Variants in SMIM13 observed in about 807,000 individuals in gnomAD.
SMIM13 encodes small integral membrane protein 13.
SMIM13 carries 3 observed loss-of-function variants against 5.9 expected under a neutral mutation model. The ratio of observed to expected loss-of-function variants is 0.51; its 90% CI spans 0.23 to 1.31. The LOEUF (loss-of-function observed/expected upper bound fraction) is 1.31. Ranked by LOEUF, SMIM13 falls within the 40% of genes most tolerant of loss-of-function variation. SMIM13 has a pLI of 0.18. For missense variants in SMIM13, 85 were observed against 109.9 expected (o/e 0.77, Z 1.01); for synonymous variants, 55 against 46.0 (o/e 1.19, Z -0.79).
At chr6:11,108,187 G>A (rs966373813) in intron 1 of SMIM13, among the ~76,000 whole-genome samples, 5 of 152,208 alleles carry the variant, frequency 3.3e-5, no homozygotes, top group African/African-American at 1.2e-4. Flanking sequence ...ACAGCACAGA[G>A]GAGGAGTAAA....
chr6:11,113,269 T>A (rs1465348469), intron 1 of SMIM13, among the ~76,000 whole-genome samples: 2 of 152,242 alleles, frequency 1.3e-5, no homozygotes, highest in Non-Finnish European at 2.9e-5. Flanking sequence ...GAGAATTTGT[T>A]ACTCCGCATC....
At chr6:11,098,471 T>C (rs1233321801) in intron 1 of SMIM13, among the ~76,000 whole-genome samples, 3 of 152,242 alleles carry the variant, frequency 2.0e-5, no homozygotes, top group Non-Finnish European at 4.4e-5. Context: ...TTGCTCTTGT[T>C]GCCCAGGCTG....
intron 1 of SMIM13, among the ~76,000 whole-genome samples, chr6:11,131,160 A>G (rs1473593682): frequency 6.6e-6 from 1 of 152,158 alleles, no homozygotes; most frequent in Non-Finnish European, 1.5e-5. Context: ...TGTTGAAGTC[A>G]ATTGACCATG....
chr6:11,113,126 T>A (rs942889922), intron 1 of SMIM13, among the ~76,000 whole-genome samples: 1 of 152,162 alleles, frequency 6.6e-6, no homozygotes, highest in Admixed American at 6.5e-5. Context: ...CCTGTAGTAG[T>A]AGTATTAGTA....
chr6:11,102,030 G>A (rs540700440), intron 1 of SMIM13, among the ~76,000 whole-genome samples: 5 of 152,244 alleles, frequency 3.3e-5, no homozygotes, highest in South Asian at 2.1e-4. Flanking sequence ...GAGCCACCAC[G>A]CCTGGCCTCA....
intron 1 of SMIM13, among the ~76,000 whole-genome samples, chr6:11,096,607 C>G (rs1757926834): frequency 6.6e-6 from 1 of 152,016 alleles, no homozygotes; most frequent in Admixed American, 6.5e-5. Context: ...AATTGGAGTG[C>G]GATATTAGTT....
At chr6:11,097,028 C>T (rs1048191781) in intron 1 of SMIM13, among the ~76,000 whole-genome samples, 2 of 151,890 alleles carry the variant, frequency 1.3e-5, no homozygotes, top group Non-Finnish European at 2.9e-5. Context: ...AGTAGAGATG[C>T]GGTTTCTCCA....
At chr6:11,125,036 G>T (rs1758359895) in intron 1 of SMIM13, among the ~76,000 whole-genome samples, 1 of 152,156 alleles carries the variant, frequency 6.6e-6, no homozygotes, top group Admixed American at 6.5e-5. Flanking sequence ...CCAGCATTTT[G>T]GGAGGCTGAG....
chr6:11,128,921 C>T (rs1015749601), intron 1 of SMIM13, among the ~76,000 whole-genome samples: 25 of 152,012 alleles, frequency 1.6e-4, no homozygotes, highest in Non-Finnish European at 1.5e-4. Flanking sequence ...GGGAGGGTAG[C>T]GTAGGCATTT....
intron 1 of SMIM13, among the ~76,000 whole-genome samples, chr6:11,130,449 T>C (rs1758439405): frequency 1.3e-5 from 2 of 152,058 alleles, no homozygotes; most frequent in Non-Finnish European, 2.9e-5. Flanking sequence ...GAAAAATGCA[T>C]ACTGTTCAAG....
At chr6:11,133,684 T>C (rs1364012725) in intron 1 of SMIM13, among the ~76,000 whole-genome samples, 2 of 152,068 alleles carry the variant, frequency 1.3e-5, no homozygotes, top group Non-Finnish European at 2.9e-5. Flanking sequence ...TAATGTTTGT[T>C]CCTTATTAGC....
At chr6:11,119,109 T>C (rs1190795514) in intron 1 of SMIM13, among the ~76,000 whole-genome samples, 1 of 152,104 alleles carries the variant, frequency 6.6e-6, no homozygotes, top group East Asian at 1.9e-4. Context: ...TAAAATAGAA[T>C]CTATAGCACT....
chr6:11,130,272 ACAAC>A (rs1758436948), intron 1 of SMIM13, among the ~76,000 whole-genome samples: 2 of 150,176 alleles, frequency 1.3e-5, no homozygotes, highest in African/African-American at 4.9e-5. Context: ...AAAAAAAACA[ACAAC>A]AACAACAACA....
intron 1 of SMIM13, among the ~76,000 whole-genome samples, chr6:11,107,415 G>A (rs1009197648): frequency 6.6e-6 from 1 of 152,162 alleles, no homozygotes; most frequent in East Asian, 1.9e-4. Context: ...AGATTAACAG[G>A]TCATCCATGT....
At chr6:11,113,987 T>TTA (rs1758203497) in intron 1 of SMIM13, among the ~76,000 whole-genome samples, 1 of 151,576 alleles carries the variant, frequency 6.6e-6, no homozygotes, top group African/African-American at 2.4e-5. Context: ...TTTTTTTTTT[T>TTA]TAATTTTTTT....
chr6:11,130,040 A>G (rs2113668432), intron 1 of SMIM13, among the ~76,000 whole-genome samples: 1 of 152,122 alleles, frequency 6.6e-6, no homozygotes, highest in East Asian at 1.9e-4. Flanking sequence ...ATCAGATCTT[A>G]CTAGTCCTAA....
intron 1 of SMIM13, among the ~76,000 whole-genome samples, chr6:11,107,022 G>A (rs535945822): frequency 2.0e-5 from 3 of 152,138 alleles, no homozygotes; most frequent in Non-Finnish European, 4.4e-5. Flanking sequence ...AGAGGTCCCC[G>A]GGGACAGAGC....
intron 1 of SMIM13, among the ~76,000 whole-genome samples, chr6:11,100,595 C>CT (rs979632045): frequency 5.3e-5 from 8 of 152,134 alleles, no homozygotes; most frequent in African/African-American, 1.9e-4. Flanking sequence ...AGTTTCCATT[C>CT]TTTTTTTGTT....
In SMIM13 at chr6:11,137,051, G is replaced by T. The variant is rs895250729; in HGVS notation, c.*2449G>T. On this transcript the variant is annotated 3_prime_UTR_variant, in exon 2 of 2. Coordinates refer to ENST00000416247, the MANE Select transcript of SMIM13 (RefSeq NM_001135575.2). ...AACTCTGCCCCTGAAATCTACAAGGGTCATGCCCAAATTAATACAGGTTAA... is the reference window on the plus strand; with the variant it reads ...AACTCTGCCCCTGAAATCTACAAGGTTCATGCCCAAATTAATACAGGTTAA... The T allele has an allele frequency of 3.3e-5, 5 of 152,064 alleles. No homozygotes were observed. Among genetic ancestry groups the T allele is most frequent in the African/African-American group, 4.8e-5 (2 of 41,414 alleles). The allele number at this position is 152,064 out of a possible 1,614,324, so 9.4% of individuals were successfully genotyped here. A position where few individuals can be genotyped will look rare whatever the true frequency, so the allele number is the denominator to read the frequency against.
Sources: gnomAD v4.1 joint callset for allele counts (sites outside exome capture counted in the v4.1 genomes callset) on GRCh38, gnomAD v4.1.1 for gene constraint, MANE v1.5 for transcripts, NCBI Gene and HGNC (gene_info 2026-07-23, HGNC 2026-07-21) for gene names.